Variants in RCAN2 observed in about 807,000 individuals in gnomAD.
The protein encoded by RCAN2 is calcipressin-2.
In RCAN2, 9 loss-of-function variants were observed where a neutral mutation model predicts 23.6. The ratio of observed to expected loss-of-function variants is 0.38; its 90% CI spans 0.23 to 0.67. The LOEUF (loss-of-function observed/expected upper bound fraction) is 0.67. RCAN2 is among the 30% of genes least tolerant of loss of function. The pLI is 0.51. For missense variants in RCAN2, 273 were observed against 302.3 expected, an observed-to-expected ratio of 0.90 and a Z score of 0.72; for synonymous variants, 109 against 115.7, an observed-to-expected ratio of 0.94 and a Z score of 0.37.
At chr6:46,279,448 T>C (rs1767828087) in intron 2 of RCAN2, among the ~76,000 whole-genome samples, 1 of 152,210 alleles carries the variant, frequency 6.6e-6, no homozygotes, top group Non-Finnish European at 1.5e-5. Context: ...CATTGTAGGA[T>C]GTTTGGTGAG....
intron 2 of RCAN2, among the ~76,000 whole-genome samples, chr6:46,320,934 T>G (rs1036332785): frequency 1.3e-5 from 2 of 152,116 alleles, no homozygotes. Context: ...AGTGACCGTC[T>G]CAATGGGTAC....
intron 2 of RCAN2, among the ~76,000 whole-genome samples, chr6:46,276,721 A>G (rs1767719221): frequency 6.6e-6 from 1 of 152,226 alleles, no homozygotes; most frequent in East Asian, 1.9e-4. Flanking sequence ...CACTTTTTCA[A>G]CACTCAAGCA....
At chr6:46,360,533 CAAAA>C (rs765916099) in intron 2 of RCAN2, among the ~76,000 whole-genome samples, 4 of 33,492 alleles carry the variant, frequency 1.2e-4, no homozygotes, top group Non-Finnish European at 2.0e-4. Context: ...GACTCCGTCT[CAAAA>C]AAAAAAAAAA....
intron 2 of RCAN2, among the ~76,000 whole-genome samples, chr6:46,263,517 GTGTA>G (rs1202461199): frequency 0.025 from 1,627 of 63,830 alleles, 33 homozygotes; most frequent in African/African-American, 0.08. Flanking sequence ...GTGTGTATGT[GTGTA>G]TGTGTGTGTG....
intron 2 of RCAN2, among the ~76,000 whole-genome samples, chr6:46,303,262 C>T (rs929333752): frequency 6.6e-6 from 1 of 151,840 alleles, no homozygotes; most frequent in African/African-American, 2.4e-5. Flanking sequence ...TCATATTAGC[C>T]TTGTGTACTT....
At chr6:46,334,976 G>A (rs564255944) in intron 2 of RCAN2, among the ~76,000 whole-genome samples, 1 of 152,276 alleles carries the variant, frequency 6.6e-6, no homozygotes, top group South Asian at 2.1e-4. Flanking sequence ...AAAAATTACA[G>A]GGATGAAAAT....
chr6:46,314,359 CAAAAAA>C (rs537111154), intron 2 of RCAN2, among the ~76,000 whole-genome samples: 87 of 92,198 alleles, frequency 9.4e-4, no homozygotes, highest in African/African-American at 3.3e-3. Flanking sequence ...GAGACTCTGT[CAAAAAA>C]AAAAAAAAAA....
rs577680807 is a variant in RCAN2 at position 46,251,843 on chromosome 6, C to T, written c.226-2947G>A. On this transcript the variant is annotated intron_variant, in intron 2 of 4. Transcript: ENST00000371374. ...CAACTCCCACCAAGTTAGAATTGGC[C>T]GTTGACGTGAAACTCTTTGATATTC... 1.6e-4 allele frequency among the ~76,000 whole-genome samples: 24 copies of T among 152,128 alleles called. 1 individual carries two copies. The South Asian group carries it at 3.7e-3, about 24-fold the overall frequency.
intron 2 of RCAN2, among the ~76,000 whole-genome samples, chr6:46,377,070 A>T (rs1765494754): frequency 6.6e-6 from 1 of 152,212 alleles, no homozygotes; most frequent in Admixed American, 6.5e-5. Flanking sequence ...AGGCACTTAA[A>T]TGTTGCCTTC....
intron 2 of RCAN2, among the ~76,000 whole-genome samples, chr6:46,334,566 T>G (rs1405804273): frequency 2.0e-5 from 3 of 151,698 alleles, no homozygotes; most frequent in African/African-American, 7.3e-5. Context: ...GATGGTGGGG[T>G]GGGGGCAGGA....
chr6:46,259,377 T>C (rs1372605153), intron 2 of RCAN2, among the ~76,000 whole-genome samples: 1 of 152,268 alleles, frequency 6.6e-6, no homozygotes, highest in East Asian at 1.9e-4. Context: ...CTCTAAAGCT[T>C]CATTTAACCC....
chr6:46,249,539 C>T (rs1051992222), intron 2 of RCAN2, among the ~76,000 whole-genome samples: 1 of 151,160 alleles, frequency 6.6e-6, no homozygotes, highest in Non-Finnish European at 1.5e-5. Context: ...AGGCTGGTCT[C>T]GAACTCCGGA....
chr6:46,411,640 A>C (rs1422324584), intron 2 of RCAN2, among the ~76,000 whole-genome samples: 1 of 152,138 alleles, frequency 6.6e-6, no homozygotes, highest in African/African-American at 2.4e-5. Context: ...CAGATGTTTT[A>C]TCAGATTATT....
intron 2 of RCAN2, among the ~76,000 whole-genome samples, chr6:46,299,674 G>T (rs1002717122): frequency 6.6e-6 from 1 of 151,904 alleles, no homozygotes; most frequent in African/African-American, 2.4e-5. Flanking sequence ...TTGAAACCTG[G>T]ATCAACTTAT....
At chr6:46,231,249 G>A (rs752172747) in intron 4 of RCAN2, among the ~76,000 whole-genome samples, 3 of 152,096 alleles carry the variant, frequency 2.0e-5, no homozygotes, top group Non-Finnish European at 2.9e-5. Context: ...AGGTTATGCA[G>A]CCATAAGCCA....
chr6:46,354,831 A>ATATTTAT (rs1764773409), intron 2 of RCAN2, among the ~76,000 whole-genome samples: 1 of 152,198 alleles, frequency 6.6e-6, no homozygotes, highest in Non-Finnish European at 1.5e-5. Context: ...ATTGAACAAA[A>ATATTTAT]TATTTATTAT....
intron 2 of RCAN2, among the ~76,000 whole-genome samples, chr6:46,256,382 T>TAAAATA (rs146008268): frequency 1.4e-5 from 2 of 147,786 alleles, no homozygotes; most frequent in Non-Finnish European, 3.0e-5. Context: ...AAAAGAAAAA[T>TAAAATA]AAATAAAATA....
intron 4 of RCAN2, among the ~76,000 whole-genome samples, chr6:46,239,997 G>A (rs75809347): frequency 0.02 from 3,073 of 152,222 alleles, 46 homozygotes; most frequent in Middle Eastern, 0.031. Flanking sequence ...GGAAAGAGGT[G>A]GGAAGATAAA....
chr6:46,338,393 G>A (rs1233487448), intron 2 of RCAN2, among the ~76,000 whole-genome samples: 2 of 152,036 alleles, frequency 1.3e-5, no homozygotes, highest in East Asian at 1.9e-4. Context: ...TCAAAAGTTC[G>A]GGTGTGGTGT....
Sources: allele counts gnomAD v4.1 joint callset (sites outside exome capture counted in the v4.1 genomes callset), GRCh38; gene constraint gnomAD v4.1.1; transcripts MANE v1.5; gene names NCBI Gene and HGNC (gene_info 2026-07-23, HGNC 2026-07-21).